The following IL19 variants were observed in gnomAD, a reference collection of about 807,000 sequenced individuals.
IL19 encodes the protein interleukin-19.
A neutral mutation model predicts 19.5 loss-of-function variants in IL19; 15 were observed. The ratio of observed to expected loss-of-function variants is 0.77; its 90% CI spans 0.52 to 1.19. The LOEUF is 1.19. IL19 is among the 50% of genes most tolerant of loss of function. The probability of loss-of-function intolerance (pLI) is 0.00; values close to 1 mark genes in which losing one functional copy is unlikely to be tolerated. For missense variants in IL19, 199 were observed against 213.1 expected, an observed-to-expected ratio of 0.93 and a Z score of 0.41; for synonymous variants, 78 against 78.3, an observed-to-expected ratio of 1.00 and a Z score of 0.02.
chr1:206,774,342 A>C (rs1253676620), intron 1 of IL19, among the ~76,000 whole-genome samples: 1 of 152,226 alleles, frequency 6.6e-6, no homozygotes. Context: ...GTCCTGCCAG[A>C]CTTAGACTGG....
intron 2 of IL19, among the ~76,000 whole-genome samples, chr1:206,810,262 C>T (rs1444150506): frequency 6.6e-6 from 1 of 152,206 alleles, no homozygotes; most frequent in Non-Finnish European, 1.5e-5. Flanking sequence ...GTTTAGTGAG[C>T]TAGCTCTTGT....
At position 206,833,660 on chromosome 1, in the gene IL19, G is replaced by T. The variant is rs1247992631; in HGVS notation, c.-2-3001G>T. ...GAGAGTCTTCTAGCCCAAGAATAAGGATTTCAGGTCCTGGCTCTGCCACTG... is the reference window on the plus strand; with the variant it reads ...GAGAGTCTTCTAGCCCAAGAATAAGTATTTCAGGTCCTGGCTCTGCCACTG... On this transcript the variant is annotated intron_variant, in intron 2 of 6. Coordinates refer to ENST00000659997, the MANE Select transcript of IL19 (RefSeq NM_153758.5). 4 of 985,358 alleles carry T rather than the reference G, an allele frequency of 4.1e-6. No individual in the cohort carries two copies. The East Asian group carries it at 4.5e-4, about 110-fold the overall frequency. 61.0% of individuals were successfully genotyped at this position (985,358 alleles called of 1,614,324 possible).
chr1:206,783,060 C>G (rs776851409), intron 1 of IL19, among the ~76,000 whole-genome samples: 4 of 152,184 alleles, frequency 2.6e-5, no homozygotes, highest in Admixed American at 6.5e-5. Context: ...CTGGCACACA[C>G]AGTAGGTGAG....
At chr1:206,786,983 A>T (rs1269552934) in intron 1 of IL19, among the ~76,000 whole-genome samples, 1 of 151,866 alleles carries the variant, frequency 6.6e-6, no homozygotes, top group East Asian at 1.9e-4. Context: ...GCAAAACTCC[A>T]CTCTCACAAA....
chr1:206,772,195 T>G lies in IL19; in HGVS notation c.-149+1117T>G, dbSNP rs980358462. Reference sequence around the variant, plus strand: ...TGGAGGTGGAGGCGCAGGAGGAGGGTTCTTATAGTTCCAGGAGAATGTCTA... The same window carrying G: ...TGGAGGTGGAGGCGCAGGAGGAGGGGTCTTATAGTTCCAGGAGAATGTCTA... On this transcript the variant is annotated intron_variant, in intron 1 of 6. Coordinates refer to ENST00000659997, the MANE Select transcript of IL19 (RefSeq NM_153758.5). 6.6e-5 allele frequency: 88 copies of G among 1,326,290 alleles called. 1 individual carries two copies. Among genetic ancestry groups the G allele is most frequent in the Middle Eastern group, 3.6e-4 (2 of 5,590 alleles). The allele number at this position is 1,326,290 out of a possible 1,614,324, so 82.2% of individuals were successfully genotyped here.
In IL19 at chr1:206,820,485, A is replaced by C. The variant is rs1676265390; in HGVS notation, c.-2-16176A>C. Among the ~76,000 whole-genome samples, 4 of 152,244 alleles carry C rather than the reference A, an allele frequency of 2.6e-5. 1 individual carries two copies. In the South Asian group the frequency reaches 8.3e-4, roughly 32 times the overall value. On this transcript the variant is annotated intron_variant, in intron 2 of 6. Coordinates refer to ENST00000659997, the MANE Select transcript of IL19 (RefSeq NM_153758.5). ...CAATGTTTGCTTCTAACCAAACATAAGGGCCAGAAAGATCAAGATATTGGC... is the reference window on the plus strand; with the variant it reads ...CAATGTTTGCTTCTAACCAAACATACGGGCCAGAAAGATCAAGATATTGGC...
At chr1:206,806,871 C>A (rs1675860719) in intron 2 of IL19, among the ~76,000 whole-genome samples, 1 of 152,164 alleles carries the variant, frequency 6.6e-6, no homozygotes, top group African/African-American at 2.4e-5. Context: ...TCTAGTAAAC[C>A]AGATCATGTC....
chr1:206,833,808 C>G, intron 2 of IL19: 1 of 985,532 alleles, frequency 1.0e-6, no homozygotes, highest in Non-Finnish European at 1.2e-6. Flanking sequence ...GAAATCCTTG[C>G]TTTATGAGGG....
At chr1:206,771,802 T>C (rs1000660306) in intron 1 of IL19, among the ~76,000 whole-genome samples, 1 of 152,212 alleles carries the variant, frequency 6.6e-6, no homozygotes, top group African/African-American at 2.4e-5. Flanking sequence ...CCAGTTTAGC[T>C]TGGAAAGATC....
chr1:206,827,438 C>T (rs894008565), intron 2 of IL19, among the ~76,000 whole-genome samples: 2 of 152,156 alleles, frequency 1.3e-5, no homozygotes, highest in Non-Finnish European at 2.9e-5. Flanking sequence ...CGCCTGTAAT[C>T]CCAGCACTTT....
At chr1:206,816,059 A>C (rs1196880199) in intron 2 of IL19, among the ~76,000 whole-genome samples, 1 of 152,182 alleles carries the variant, frequency 6.6e-6, no homozygotes, top group Non-Finnish European at 1.5e-5. Flanking sequence ...AAAACAAAAA[A>C]ACCTGCCAGC....
At chr1:206,813,155 A>G (rs192333316) in intron 2 of IL19, among the ~76,000 whole-genome samples, 6 of 152,344 alleles carry the variant, frequency 3.9e-5, no homozygotes, top group Admixed American at 2.0e-4. Context: ...TTCTAAACCC[A>G]ACCTTCTATA....
chr1:206,819,980 G>A (rs1676252323), intron 2 of IL19, among the ~76,000 whole-genome samples: 1 of 152,136 alleles, frequency 6.6e-6, no homozygotes, highest in Non-Finnish European at 1.5e-5. Flanking sequence ...CATATCTCCT[G>A]TGACTGGGCC....
At chr1:206,784,157 G>C (rs937176731) in intron 1 of IL19, among the ~76,000 whole-genome samples, 1 of 152,148 alleles carries the variant, frequency 6.6e-6, no homozygotes, top group African/African-American at 2.4e-5. Context: ...TCCAGCCCTG[G>C]ACCTTCTACT....
chr1:206,812,203 G>A (rs903667261), intron 2 of IL19, among the ~76,000 whole-genome samples: 2 of 152,206 alleles, frequency 1.3e-5, no homozygotes, highest in Non-Finnish European at 2.9e-5. Flanking sequence ...CCTGTAGCCA[G>A]ACTACACAGG....
At chr1:206,842,141 C>A (rs2102494121) in intron 6 of IL19, among the ~76,000 whole-genome samples, 1 of 152,224 alleles carries the variant, frequency 6.6e-6, no homozygotes, top group East Asian at 1.9e-4. Flanking sequence ...ACCCACTGTC[C>A]AGCACCTCAG....
At chr1:206,772,482 G>A in intron 1 of IL19, 2 of 1,583,602 alleles carry the variant, frequency 1.3e-6, no homozygotes, top group Non-Finnish European at 1.7e-6. Flanking sequence ...GCAAGAGCAA[G>A]CCCCTGATGT....
chr1:206,840,149 C>T (rs1392604489), intron 5 of IL19, 147 bp downstream of exon 5: 2 of 906,814 alleles, frequency 2.2e-6, no homozygotes, highest in African/African-American at 3.3e-5. Context: ...CTGTGGAGAA[C>T]CTCTCCCAGT....
At position 206,772,325 on chromosome 1, in the gene IL19, C is replaced by G. The variant is rs753414785; in HGVS notation, c.-149+1247C>G. On this transcript the variant is annotated intron_variant, in intron 1 of 6. Coordinates refer to ENST00000659997, the MANE Select transcript of IL19 (RefSeq NM_153758.5). ...CTCGGAGATCTCGAAGCATGTTAGG[C>G]AGGTTGCCTGGGAAGTGGGTGCAGC... 18 of 1,614,070 alleles carry G rather than the reference C, an allele frequency of 1.1e-5. 1 individual carries two copies. In the South Asian group the frequency reaches 2.0e-4, roughly 18 times the overall value.
Sources: allele counts gnomAD v4.1 joint callset (sites outside exome capture counted in the v4.1 genomes callset), GRCh38; gene constraint gnomAD v4.1.1; transcripts MANE v1.5; gene names NCBI Gene and HGNC (gene_info 2026-07-23, HGNC 2026-07-21).